The following DHX32 variants were observed in gnomAD, a reference collection of about 807,000 sequenced individuals.
DHX32 encodes the protein DEAH-box helicase 32 (putative).
A neutral mutation model predicts 70.0 loss-of-function variants in DHX32; 51 were observed. The observed-to-expected ratio is 0.73, with a 90% CI of 0.58 to 0.92. The LOEUF is 0.92. Ranked by LOEUF, DHX32 falls within the 40% of genes least tolerant of loss-of-function variation. DHX32 has a pLI of 0.00. For missense variants in DHX32, 762 were observed against 891.8 expected (o/e 0.85, Z 1.85); for synonymous variants, 310 against 315.3 (o/e 0.98, Z 0.18).
At chr10:125,859,038 T>C (rs1199947236) in intron 3 of DHX32, among the ~76,000 whole-genome samples, 4 of 140,850 alleles carry the variant, frequency 2.8e-5, no homozygotes, top group African/African-American at 1.1e-4. Context: ...TTTTTGTTTG[T>C]TTGTTTGTTT....
chr10:125,846,955 A>C (rs915419420), intron 6 of DHX32, among the ~76,000 whole-genome samples: 3 of 152,240 alleles, frequency 2.0e-5, no homozygotes, highest in Admixed American at 1.3e-4. Context: ...AGACCCCTGC[A>C]TTAATGTATA....
At chr10:125,883,820 G>A (rs948729324), upstream of DHX32, among the ~76,000 whole-genome samples, 8 of 152,164 alleles carry the variant, frequency 5.3e-5, no homozygotes, top group South Asian at 1.7e-3. Flanking sequence ...GATGTCCTCA[G>A]ATGTCTCCGA....
chr10:125,862,443 T>C (rs1384463915), intron 2 of DHX32, among the ~76,000 whole-genome samples: 1 of 152,178 alleles, frequency 6.6e-6, no homozygotes, highest in Non-Finnish European at 1.5e-5. Flanking sequence ...CAATTTTTTT[T>C]TTTTTGCTGA....
At chr10:125,837,117 T>A (rs1854716431) in intron 10 of DHX32, among the ~76,000 whole-genome samples, 1 of 152,250 alleles carries the variant, frequency 6.6e-6, no homozygotes, top group South Asian at 2.1e-4. Context: ...CACTAACCTT[T>A]AGTGGAAACT....
intron 6 of DHX32, among the ~76,000 whole-genome samples, chr10:125,850,134 TAA>T (rs371549545): frequency 0.059 from 7,937 of 133,416 alleles, 694 homozygotes; most frequent in African/African-American, 0.2. Context: ...CCTGGCTCAT[TAA>T]AAAAAAAAAA....
chr10:125,849,758 T>TA (rs1564825521), intron 6 of DHX32, among the ~76,000 whole-genome samples: 1 of 152,206 alleles, frequency 6.6e-6, no homozygotes, highest in Non-Finnish European at 1.5e-5. Context: ...TAGTAAATGT[T>TA]ACGTTAACAT....
At chr10:125,874,620 T>C (rs1248949968) in intron 1 of DHX32, among the ~76,000 whole-genome samples, 1 of 152,212 alleles carries the variant, frequency 6.6e-6, no homozygotes, top group African/African-American at 2.4e-5. Context: ...ACTTGTTCAA[T>C]CTGAGAACAG....
chr10:125,838,332 A>T lies in DHX32; in HGVS notation c.1937T>A (p.Val646Asp). The change falls in exon 10 of 11, where the codon GTT (valine) becomes GAT (aspartate). Residue 646 changes from valine to aspartate, a missense_variant. Coordinates refer to ENST00000284690, the MANE Select transcript of DHX32 (RefSeq NM_018180.3). ...ACCAGACAGGGGATGCAGCTGAGCA[A>T]CCTGCTTATGTGTCAGCATTAAGTA... ...GNYLMLTHKQ[V>D]AQLHPLSGYS... 1 of 1,613,766 alleles carries T rather than the reference A, an allele frequency of 6.2e-7. No homozygotes were observed. Among genetic ancestry groups the T allele is most frequent in the Middle Eastern group, 1.6e-4 (1 of 6,062 alleles).
rs530317496 is a variant in DHX32 at position 125,888,075 on chromosome 10, T to C, written c.-247-7004A>G. On this transcript the variant is annotated intron_variant, in intron 1 of 2. Transcript: ENST00000415732. ...TAAATCTGTCTCATGATCTGACTCA[T>C]AGTTTGTAAACCCTGTACTATATAA... Among the ~76,000 whole-genome samples the C allele has an allele frequency of 1.7e-3, 256 of 152,334 alleles. 8 individuals are homozygous for C. The East Asian group carries it at 0.043, about 26-fold the overall frequency.
Position 125,836,538 on chromosome 10 carries a change from T to C in DHX32, c.*149A>G, listed in dbSNP as rs1022331659. On this transcript the variant is annotated 3_prime_UTR_variant, in exon 11 of 11. Transcript: ENST00000284690. ...AGAACTCAATAAAAACTTCTATTTT[T>C]TATTTTAAAATAATATACACAGTGT... 7.5e-7 allele frequency: 1 copy of C among 1,337,544 alleles called. No homozygotes were observed. Among genetic ancestry groups the C allele is most frequent in the Non-Finnish European group, 9.8e-7 (1 of 1,021,010 alleles). The allele number at this position is 1,337,544 out of a possible 1,614,324, so 82.9% of individuals were successfully genotyped here. A position where few individuals can be genotyped will look rare whatever the true frequency, so the allele number is the denominator to read the frequency against.
At chr10:125,887,637 G>A (rs75219952) in intron 1 of DHX32, among the ~76,000 whole-genome samples, 1 of 151,366 alleles carries the variant, frequency 6.6e-6, no homozygotes, top group Non-Finnish European at 1.5e-5. Context: ...GTTTGTGTGT[G>A]TGTTTTTTTT....
At chr10:125,886,940 C>T (rs1944343821) in intron 1 of DHX32, among the ~76,000 whole-genome samples, 1 of 152,298 alleles carries the variant, frequency 6.6e-6, no homozygotes, top group African/African-American at 2.4e-5. Context: ...ATCTTTTCCC[C>T]ATGTCTTTCT....
chr10:125,875,020 A>G (rs1779955570), intron 1 of DHX32, among the ~76,000 whole-genome samples: 1 of 152,088 alleles, frequency 6.6e-6, no homozygotes, highest in South Asian at 2.1e-4. Flanking sequence ...GGAGTCCGAG[A>G]CCAACCTGGG....
At chr10:125,886,456 CTT>C (rs1461583597) in intron 1 of DHX32, among the ~76,000 whole-genome samples, 2 of 152,108 alleles carry the variant, frequency 1.3e-5, no homozygotes, top group Non-Finnish European at 2.9e-5. Flanking sequence ...TGCAGTCTAT[CTT>C]GCATAGTTAC....
intron 6 of DHX32, among the ~76,000 whole-genome samples, chr10:125,844,213 A>C (rs11244669): frequency 0.28 from 42,193 of 152,168 alleles, 7,556 homozygotes; most frequent in Non-Finnish European, 0.4. Context: ...AAGGTACAAG[A>C]AGCAGCATCA....
Position 125,836,976 on chromosome 10 carries a change from G to C in DHX32, c.2064-121C>G, listed in dbSNP as rs1391236580. The C allele has an allele frequency of 6.2e-6, 5 of 800,720 alleles. No individual in the cohort carries two copies. In the East Asian group the frequency reaches 1.3e-4, roughly 21 times the overall value. 49.6% of individuals were successfully genotyped at this position (800,720 alleles called of 1,614,324 possible). A position where few individuals can be genotyped will look rare whatever the true frequency, so the allele number is the denominator to read the frequency against. On this transcript the variant is annotated intron_variant, in intron 10 of 10. Coordinates refer to ENST00000284690, the MANE Select transcript of DHX32 (RefSeq NM_018180.3). ...TACCTGTAGAACCGGTATTTAATTT[G>C]AACTCAGATAGTATCTCAGTCCGAC...
In DHX32 at chr10:125,867,553, G is replaced by A. The variant is rs574657555; in HGVS notation, c.283-370C>T. Among the ~76,000 whole-genome samples, 278 of 152,164 alleles carry A rather than the reference G, an allele frequency of 1.8e-3. 2 individuals carry two copies. The Middle Eastern group carries it at 0.02, about 11-fold the overall frequency. On this transcript the variant is annotated intron_variant, in intron 1 of 10. Coordinates refer to ENST00000284690, the MANE Select transcript of DHX32 (RefSeq NM_018180.3). Reference sequence around the variant, plus strand: ...AGATCGAGACCATCCTGGCTAACATGGTGAAACCCCGTCTCTACTTAAAAT... The same window carrying A: ...AGATCGAGACCATCCTGGCTAACATAGTGAAACCCCGTCTCTACTTAAAAT...
At chr10:125,859,372 T>G (rs1480521219) in intron 3 of DHX32, among the ~76,000 whole-genome samples, 1 of 152,204 alleles carries the variant, frequency 6.6e-6, no homozygotes, top group Non-Finnish European at 1.5e-5. Context: ...GGAGGGAAGT[T>G]GGCTCTGGAG....
intron 7 of DHX32, 137 bp downstream of exon 7, chr10:125,841,606 A>G: frequency 2.1e-6 from 3 of 1,455,732 alleles, no homozygotes; most frequent in South Asian, 3.0e-5. Context: ...ATACCTCACT[A>G]TCATTTCAAA....
Sources: gnomAD v4.1 joint callset for allele counts (sites outside exome capture counted in the v4.1 genomes callset) on GRCh38, gnomAD v4.1.1 for gene constraint, MANE v1.5 for transcripts, NCBI Gene and HGNC (gene_info 2026-07-23, HGNC 2026-07-21) for gene names.